The following ADAMTSL3 variants were observed in gnomAD, a reference collection of about 807,000 sequenced individuals.
ADAMTSL3 encodes ADAMTS-like protein 3.
Under a neutral mutation model 201.7 loss-of-function variants are expected in ADAMTSL3, and 128 were observed. The observed-to-expected ratio is 0.63, with a 90% CI of 0.55 to 0.73. ADAMTSL3 has a LOEUF of 0.73. Among genes scored for constraint, ADAMTSL3 ranks in the 30% least tolerant of loss-of-function variants. The pLI is 0.00. For missense variants in ADAMTSL3, 1,990 were observed against 2,119.6 expected, an observed-to-expected ratio of 0.94 and a Z score of 1.20; for synonymous variants, 738 against 748.4, an observed-to-expected ratio of 0.99 and a Z score of 0.23.
chr15:84,023,439 C>T (rs189883904), intron 26 of ADAMTSL3, among the ~76,000 whole-genome samples: 1 of 152,152 alleles, frequency 6.6e-6, no homozygotes, highest in East Asian at 1.9e-4. Context: ...GGCAGGGTCA[C>T]AGTGTAAAGC....
intron 3 of ADAMTSL3, among the ~76,000 whole-genome samples, chr15:83,756,619 G>C (rs1391412190): frequency 7.2e-6 from 1 of 139,168 alleles, no homozygotes; most frequent in East Asian, 2.0e-4. Context: ...CAAATCTCAT[G>C]TCCTAACATT....
intron 4 of ADAMTSL3, among the ~76,000 whole-genome samples, chr15:83,784,085 G>A (rs1328969511): frequency 2.0e-5 from 3 of 152,192 alleles, no homozygotes; most frequent in African/African-American, 7.2e-5. Context: ...CTTTGTGTCA[G>A]TGAATCTCGT....
At chr15:83,898,109 T>C in intron 14 of ADAMTSL3, 104 bp downstream of exon 14, 1 of 1,347,442 alleles carries the variant, frequency 7.4e-7, no homozygotes, top group South Asian at 1.5e-5. Flanking sequence ...TTATAAAAAT[T>C]GTTTTATTGA....
At position 83,982,830 on chromosome 15, in the gene ADAMTSL3, G is replaced by C. The variant is rs747134162; in HGVS notation, c.3202G>C (p.Gly1068Arg). Residue 1068 changes from glycine to arginine, a missense_variant, in exon 21 of 30, where the codon GGA (glycine) becomes CGA (arginine). By Grantham distance (125) the Gly-to-Arg change is moderately radical. Transcript: ENST00000286744. ...ALLGHCSNSA[G>R]STNSWELKNK... is the part of the protein sequence containing the mutation. ...GTTAGGCCACTGCAGCAATTCTGCAGGAAGCACCAACTCCTGGGAGTTGAA... is the reference window on the plus strand; with the variant it reads ...GTTAGGCCACTGCAGCAATTCTGCACGAAGCACCAACTCCTGGGAGTTGAA... 4.3e-6 allele frequency: 7 copies of C among 1,614,118 alleles called. No individual in the cohort carries two copies. The highest frequency in any genetic ancestry group is 5.9e-6 in the Non-Finnish European group (7 of 1,180,030).
intron 3 of ADAMTSL3, among the ~76,000 whole-genome samples, chr15:83,714,428 A>G (rs1487805903): frequency 1.3e-5 from 2 of 152,166 alleles, no homozygotes; most frequent in South Asian, 2.1e-4. Context: ...TTTCCCTTCA[A>G]GTAGCTCTTC....
At chr15:83,874,048 G>A (rs1390265807) in intron 9 of ADAMTSL3, among the ~76,000 whole-genome samples, 1 of 145,364 alleles carries the variant, frequency 6.9e-6, no homozygotes, top group African/African-American at 2.6e-5. Flanking sequence ...ATAACATGGA[G>A]AGGATGCTCC....
At chr15:83,844,346 C>T (rs539028188) in intron 7 of ADAMTSL3, among the ~76,000 whole-genome samples, 1 of 152,300 alleles carries the variant, frequency 6.6e-6, no homozygotes, top group African/African-American at 2.4e-5. Flanking sequence ...GATTTTTTCC[C>T]TTCATCCACT....
At chr15:84,026,490 C>T (rs1321020326) in intron 27 of ADAMTSL3, among the ~76,000 whole-genome samples, 1 of 152,032 alleles carries the variant, frequency 6.6e-6, no homozygotes, top group Non-Finnish European at 1.5e-5. Context: ...CACAGAATAA[C>T]CAAAACAATT....
intron 3 of ADAMTSL3, among the ~76,000 whole-genome samples, chr15:83,719,037 A>T (rs1405774627): frequency 1.3e-5 from 2 of 152,220 alleles, no homozygotes; most frequent in Non-Finnish European, 2.9e-5. Flanking sequence ...TGATATATGC[A>T]TTGAATATCA....
chr15:83,693,199 T>C (rs1173312885), intron 2 of ADAMTSL3, among the ~76,000 whole-genome samples: 2 of 152,212 alleles, frequency 1.3e-5, no homozygotes, highest in South Asian at 2.1e-4. Flanking sequence ...TCTGCATAAT[T>C]AATCAGTTGT....
At chr15:83,938,246 C>G (rs1384876991) in intron 17 of ADAMTSL3, among the ~76,000 whole-genome samples, 2 of 152,144 alleles carry the variant, frequency 1.3e-5, no homozygotes, top group Non-Finnish European at 2.9e-5. Context: ...ATAGGTGATG[C>G]ACTCACCACC....
intron 3 of ADAMTSL3, among the ~76,000 whole-genome samples, chr15:83,768,344 TG>T (rs1187177833): frequency 6.6e-6 from 1 of 152,192 alleles, no homozygotes; most frequent in Non-Finnish European, 1.5e-5. Context: ...TATGTGATGC[TG>T]TCTCCAGAGC....
chr15:83,923,769 T>C (rs1234548157), intron 16 of ADAMTSL3, 135 bp from the exon 17 acceptor site: 5 of 1,051,810 alleles, frequency 4.8e-6, no homozygotes, highest in African/African-American at 1.6e-5. Context: ...AGGTGTACCC[T>C]GAAATGCAGC....
At chr15:83,965,929 G>T (rs1596474666) in intron 19 of ADAMTSL3, among the ~76,000 whole-genome samples, 1 of 152,324 alleles carries the variant, frequency 6.6e-6, no homozygotes, top group South Asian at 2.1e-4. Flanking sequence ...GCTCCTGAAT[G>T]ACTACTGGGT....
At chr15:83,825,778 A>T (rs2064008870) in intron 6 of ADAMTSL3, among the ~76,000 whole-genome samples, 1 of 151,994 alleles carries the variant, frequency 6.6e-6, no homozygotes, top group Admixed American at 6.6e-5. Flanking sequence ...CAGGAATGTA[A>T]CAGCAGGTGC....
At chr15:83,744,741 C>T (rs1287264144) in intron 3 of ADAMTSL3, among the ~76,000 whole-genome samples, 1 of 152,192 alleles carries the variant, frequency 6.6e-6, no homozygotes, top group Non-Finnish European at 1.5e-5. Context: ...CCAAATCTCC[C>T]TACTACCCTC....
intron 22 of ADAMTSL3, 149 bp downstream of exon 22, chr15:83,988,967 C>G: frequency 1.3e-5 from 5 of 382,876 alleles, no homozygotes; most frequent in Non-Finnish European, 1.5e-5. Flanking sequence ...CTGTAAGCTC[C>G]GCCTCCCGGG....
At chr15:83,862,376 C>T (rs1186032904) in intron 8 of ADAMTSL3, 2 of 152,162 alleles carry the variant, frequency 1.3e-5, no homozygotes, top group Admixed American at 6.5e-5. Context: ...AGAGAAAGGT[C>T]GGGTTACCCA....
intron 3 of ADAMTSL3, among the ~76,000 whole-genome samples, chr15:83,742,307 A>G (rs912038392): frequency 3.3e-5 from 5 of 152,184 alleles, no homozygotes; most frequent in African/African-American, 1.2e-4. Flanking sequence ...AAAAATTTTC[A>G]AACAGCCTTA....
Sources: allele counts gnomAD v4.1 joint callset (sites outside exome capture counted in the v4.1 genomes callset), GRCh38; gene constraint gnomAD v4.1.1; transcripts MANE v1.5; gene names NCBI Gene and HGNC (gene_info 2026-07-23, HGNC 2026-07-21).